ZNF250: variants seen among roughly 807,000 people sequenced by gnomAD.
The protein encoded by ZNF250 is zinc finger protein (clone 647).
ZNF250 carries 13 observed loss-of-function variants against 37.1 expected under a neutral mutation model. The ratio of observed to expected loss-of-function variants is 0.35; its 90% CI spans 0.23 to 0.56. The LOEUF is 0.56. Among genes scored for constraint, ZNF250 ranks in the 20% least tolerant of loss-of-function variants. ZNF250 has a pLI of 0.87. For missense variants in ZNF250, 474 were observed against 697.9 expected (o/e 0.68, Z 3.61); for synonymous variants, 251 against 265.6 (o/e 0.94, Z 0.54).
Position 144,901,152 on chromosome 8 carries a change from G to A in ZNF250, c.-55+247C>T, listed in dbSNP as rs1392369099. Among the ~76,000 whole-genome samples the A allele has an allele frequency of 1.3e-5, 2 of 152,108 alleles. No homozygotes were observed. Among genetic ancestry groups the A allele is most frequent in the Non-Finnish European group, 2.9e-5 (2 of 67,994 alleles). ...GGCCGTCCGAGGCGGACGGGGGTGC[G>A]GGAGGGCCTGAGGGGGTCCAAGGCC... On this transcript the variant is annotated intron_variant, in intron 1 of 5. Coordinates refer to ENST00000417550, the MANE Select transcript of ZNF250 (RefSeq NM_001109689.4). This position sits in a 1 kb window ranked among gnomAD's most constrained non-coding sequence, Gnocchi z 5.4.
intron 1 of ZNF250, among the ~76,000 whole-genome samples, chr8:144,900,889 C>T (rs1023685202): frequency 6.6e-6 from 1 of 152,250 alleles, no homozygotes. Context: ...AAGCTCCCCA[C>T]CCCTTTCCGG....
At chr8:144,902,088 C>T (rs546828996), upstream of ZNF250, 1 of 152,354 alleles carries the variant, frequency 6.6e-6, no homozygotes, top group Admixed American at 6.5e-5. Context: ...GAGGCGCAGC[C>T]GCTCTTCGCT....
Position 144,891,816 on chromosome 8 carries a change from C to T in ZNF250, c.-54-1413G>A, listed in dbSNP as rs1832358392. Among the ~76,000 whole-genome samples, 1 of 152,062 alleles carries T rather than the reference C, an allele frequency of 6.6e-6. No homozygotes were observed. The highest frequency in any genetic ancestry group is 2.4e-5 in the African/African-American group (1 of 41,380). ...GCGATGAGCCGAGATCATGCCATTG[C>T]ACTCCAGCCTGGGCAACCAAGAGCA... is the stretch of plus-strand genomic sequence containing the variant. On this transcript the variant is annotated intron_variant, in intron 1 of 5. Transcript: ENST00000417550. The surrounding 1 kb of genome is among the most constrained non-coding windows in gnomAD (Gnocchi z 4.0).
chr8:144,899,333 G>A lies in ZNF250; in HGVS notation c.-55+2066C>T, dbSNP rs77433485. On this transcript the variant is annotated intron_variant, in intron 1 of 5. Coordinates refer to ENST00000417550, the MANE Select transcript of ZNF250 (RefSeq NM_001109689.4). ...CCAGTGTTTGATACCACGGTAAGAT[G>A]ACTACAGTTAATAATTTATTGTATA... Among the ~76,000 whole-genome samples, 225 of 152,218 alleles carry A rather than the reference G, an allele frequency of 1.5e-3. 4 individuals carry two copies. The East Asian group carries it at 0.034, about 23-fold the overall frequency.
In ZNF250 at chr8:144,886,837, T is replaced by C. The variant is rs1831914332; in HGVS notation, c.346+3A>G. 6.2e-7 allele frequency: 1 copy of C among 1,612,858 alleles called. No individual in the cohort carries two copies. The highest frequency in any genetic ancestry group is 1.7e-5 in the Admixed American group (1 of 59,988). On this transcript the variant is annotated splice_donor_region_variant and intron_variant, in intron 5 of 5. Coordinates refer to ENST00000417550, the MANE Select transcript of ZNF250 (RefSeq NM_001109689.4). The stretch of plus-strand genomic sequence containing the variant: ...GAATTAAAAAGATCAGGCATACACT[T>C]ACCCCATGGACAAGATAAACTGTCT...
intron 4 of ZNF250, among the ~76,000 whole-genome samples, chr8:144,887,940 G>C (rs1189681775): frequency 6.6e-6 from 1 of 152,184 alleles, no homozygotes; most frequent in African/African-American, 2.4e-5. Flanking sequence ...TAGAAATAAG[G>C]AGGAGCTTTC....
At chr8:144,896,614 C>G (rs949673758) in intron 1 of ZNF250, among the ~76,000 whole-genome samples, 1 of 152,246 alleles carries the variant, frequency 6.6e-6, no homozygotes, top group East Asian at 1.9e-4. Flanking sequence ...CCACACTTCA[C>G]GGGATTCTGA....
At chr8:144,900,250 A>C (rs528480310) in intron 1 of ZNF250, among the ~76,000 whole-genome samples, 2 of 152,262 alleles carry the variant, frequency 1.3e-5, no homozygotes, top group African/African-American at 4.8e-5. Context: ...ACCCTTACCC[A>C]CTTCGTAGAG....
rs1831364203 is a variant in ZNF250 at position 144,880,130 on chromosome 8, T to C, written c.*1385A>G. 1 of 165,942 alleles carries C rather than the reference T, an allele frequency of 6.0e-6. No homozygotes were observed. The highest frequency in any genetic ancestry group is 6.0e-5 in the Admixed American group (1 of 16,804). 10.3% of individuals were successfully genotyped at this position (165,942 alleles called of 1,614,324 possible). Reference sequence around the variant, plus strand: ...AATTCTGAATACAAATTTTTAATTATGAATAAACTAGATTCATCTTCATCA... The same window carrying C: ...AATTCTGAATACAAATTTTTAATTACGAATAAACTAGATTCATCTTCATCA... On this transcript the variant is annotated 3_prime_UTR_variant, in exon 6 of 6. Coordinates refer to ENST00000417550, the MANE Select transcript of ZNF250 (RefSeq NM_001109689.4).
At position 144,882,828 on chromosome 8, in the gene ZNF250, T is replaced by C. The variant is rs1368807993; in HGVS notation, c.355A>G (p.Thr119Ala). 2 of 1,604,582 alleles carry C rather than the reference T, an allele frequency of 1.2e-6. No individual in the cohort carries two copies. The highest frequency in any genetic ancestry group is 1.3e-5 in the African/African-American group (1 of 74,370). Residue 119 changes from threonine (T) to alanine (A), a missense_variant, in exon 6 of 6, where the codon ACC (threonine) becomes GCC (alanine). By Grantham distance (58) the Thr-to-Ala change is moderately conservative. This residue lies in a region of ZNF250 where 192 missense variants were observed against 227.5 expected (regional missense o/e 0.84). Coordinates refer to ENST00000417550, the MANE Select transcript of ZNF250 (RefSeq NM_001109689.4). This position sits in a 1 kb window ranked among gnomAD's most constrained non-coding sequence, Gnocchi z 5.5. ...DSLSCPWECE[T>A]KGESQNTDLS... ...TCTGTATTTTGACTCTCTCCCTTGGTTTCACATTCTGAAAGAACAAATCCA... is the reference window on the plus strand; with the variant it reads ...TCTGTATTTTGACTCTCTCCCTTGGCTTCACATTCTGAAAGAACAAATCCA...
In ZNF250 at chr8:144,877,862, TAC is replaced by T. The variant is rs771039647; in HGVS notation, c.*3651_*3652del. ...CTGTGTAACTTACGTTGTCCTGTGA[TAC>T]ACAGTCTTTCTAAACAAATGTTCCT... On this transcript the variant is annotated 3_prime_UTR_variant, in exon 6 of 6. Transcript: ENST00000417550. The T allele has an allele frequency of 3.3e-5, 5 of 152,274 alleles. No individual in the cohort carries two copies. The highest frequency in any genetic ancestry group is 1.9e-4 in the East Asian group (1 of 5,206). The allele number at this position is 152,274 out of a possible 1,614,324, so 9.4% of individuals were successfully genotyped here. A position where few individuals can be genotyped will look rare whatever the true frequency, so the allele number is the denominator to read the frequency against.
chr8:144,884,171 G>T (rs1831705200), intron 5 of ZNF250, among the ~76,000 whole-genome samples: 1 of 152,168 alleles, frequency 6.6e-6, no homozygotes, highest in Non-Finnish European at 1.5e-5. Flanking sequence ...TCATGTTGTT[G>T]TACAGCAGTT....
chr8:144,889,666 G>A lies in ZNF250; in HGVS notation c.198C>T (p.Ile66=), dbSNP rs768174735. ...LGLPGSKPDI[I]SQLERGEDPW... ...GATCTTCCCCTCGCTCCAGCTGGGA[G>A]ATTATGTCAGGCTTGGATCCTGGAA... Residue 66 remains isoleucine, a synonymous_variant, in exon 4 of 6, where the codon ATC becomes ATT. Coordinates refer to ENST00000417550, the MANE Select transcript of ZNF250 (RefSeq NM_001109689.4). 2 of 1,613,980 alleles carry A rather than the reference G, an allele frequency of 1.2e-6. No individual in the cohort carries two copies. Among genetic ancestry groups the A allele is most frequent in the Non-Finnish European group, 1.7e-6 (2 of 1,179,886 alleles).
intron 4 of ZNF250, among the ~76,000 whole-genome samples, chr8:144,889,118 A>G (rs1167647315): frequency 6.6e-6 from 1 of 152,240 alleles, no homozygotes; most frequent in Non-Finnish European, 1.5e-5. Context: ...TTATATGGAC[A>G]TGGGGATGGC....
intron 4 of ZNF250, among the ~76,000 whole-genome samples, chr8:144,888,248 TATAA>T (rs1454775353): frequency 1.3e-5 from 2 of 152,226 alleles, no homozygotes; most frequent in African/African-American, 4.8e-5. Flanking sequence ...CTGATGCTAT[TATAA>T]ATGTTATCTT....
intron 1 of ZNF250, among the ~76,000 whole-genome samples, chr8:144,894,856 G>T (rs1832601703): frequency 6.6e-6 from 1 of 151,736 alleles, no homozygotes; most frequent in Non-Finnish European, 1.5e-5. Context: ...TAGAGACGAG[G>T]TCTTGCTGTG....
intron 1 of ZNF250, among the ~76,000 whole-genome samples, chr8:144,900,942 A>C (rs944768762): frequency 9.2e-5 from 14 of 152,338 alleles, no homozygotes; most frequent in African/African-American, 3.1e-4. Context: ...CGCGGCAAGA[A>C]GAGCGGCCCG....
intron 1 of ZNF250, among the ~76,000 whole-genome samples, chr8:144,893,487 T>C (rs968801680): frequency 2.0e-5 from 3 of 152,140 alleles, no homozygotes; most frequent in Admixed American, 6.5e-5. Context: ...CCTGCCTCCA[T>C]GCCCGGCTAA....
intron 4 of ZNF250, 125 bp downstream of exon 4, chr8:144,889,456 G>C (rs1449804642): frequency 1.4e-6 from 1 of 690,228 alleles, no homozygotes; most frequent in Admixed American, 3.0e-5. Flanking sequence ...GCCAGATAAG[G>C]CCAGATAAGG....
Sources: gnomAD v4.1 joint callset for allele counts (sites outside exome capture counted in the v4.1 genomes callset) on GRCh38, gnomAD v4.1.1 for gene constraint, gnomAD v4.1.1 regional missense constraint, Gnocchi (gnomAD v3.1) non-coding constraint, MANE v1.5 for transcripts, NCBI Gene and HGNC (gene_info 2026-07-23, HGNC 2026-07-21) for gene names.